The following WDR1 variants were observed in gnomAD, a reference collection of about 807,000 sequenced individuals.
The protein encoded by WDR1 is WD repeat domain 1, also known as WD repeat-containing protein 1.
WDR1 carries 21 observed loss-of-function variants against 71.9 expected under a neutral mutation model. That is an observed-to-expected ratio of 0.29 (90% CI 0.21 to 0.42). WDR1 has a LOEUF of 0.42. Among genes scored for constraint, WDR1 ranks in the 10% least tolerant of loss-of-function variants. The probability of loss-of-function intolerance (pLI) is 1.00; values close to 1 mark genes in which losing one functional copy is unlikely to be tolerated. For synonymous variants in WDR1, 424 were observed against 347.4 expected (o/e 1.22, Z -2.45); for missense variants, 696 against 824.5 (o/e 0.84, Z 1.91).
chr4:10,116,662 G>C lies in WDR1; in HGVS notation c.5C>G (p.Pro2Arg), dbSNP rs1713761503. The change falls in exon 1 of 15, where the codon CCG becomes CGG. Residue 2 changes from proline (P) to arginine (R), a missense_variant. By Grantham distance (103) the Pro-to-Arg change is moderately radical. Coordinates refer to ENST00000499869, the MANE Select transcript of WDR1 (RefSeq NM_017491.5). The stretch of plus-strand genomic sequence containing the variant: ...GCCGCGGCACTTACTGATCTCGTAC[G>C]GCATCCTCGCCCACTTGTTACCGCG... Reference protein sequence around the residue: MPYEIKKVFASL... With the variant: MRYEIKKVFASL... 8 of 1,344,524 alleles carry C rather than the reference G, an allele frequency of 6.0e-6. No homozygotes were observed. The highest frequency in any genetic ancestry group is 7.7e-6 in the Non-Finnish European group (8 of 1,040,454). 83.3% of individuals were successfully genotyped at this position (1,344,524 alleles called of 1,614,324 possible).
At chr4:10,093,150 G>C in intron 5 of WDR1, 13 of 1,289,274 alleles carry the variant, frequency 1.0e-5, no homozygotes, top group Non-Finnish European at 1.3e-5. Context: ...CCTGTCTCCA[G>C]CACACACATG....
rs868521139 is a variant in WDR1, at chr4:10,078,506, C to A, written c.1395+385G>T. On this transcript the variant is annotated intron_variant, in intron 12 of 14. Transcript: ENST00000499869. ...GTCACTCTTCCTTCAACCTGTGAGCCGAGCCCAGCCCCAGGGGATGCCATT... is the reference window on the plus strand; with the variant it reads ...GTCACTCTTCCTTCAACCTGTGAGCAGAGCCCAGCCCCAGGGGATGCCATT... The A allele has an allele frequency of 3.1e-5, 6 of 195,874 alleles. No individual in the cohort carries two copies. In the Middle Eastern group the frequency reaches 1.4e-3, roughly 46 times the overall value. The allele number at this position is 195,874 out of a possible 1,614,324, so 12.1% of individuals were successfully genotyped here. A position where few individuals can be genotyped will look rare whatever the true frequency, so the allele number is the denominator to read the frequency against.
chr4:10,108,560 C>T (rs1713162204), intron 2 of WDR1, among the ~76,000 whole-genome samples: 1 of 152,242 alleles, frequency 6.6e-6, no homozygotes, highest in Non-Finnish European at 1.5e-5. Flanking sequence ...AGTCAGGGCA[C>T]TGGCTTTGTA....
chr4:10,099,650 C>G (rs989409465), intron 3 of WDR1, among the ~76,000 whole-genome samples: 1 of 152,280 alleles, frequency 6.6e-6, no homozygotes, highest in African/African-American at 2.4e-5. Flanking sequence ...GAGGGTGCAG[C>G]GTGCTGCCCA....
At chr4:10,093,080 A>G in intron 5 of WDR1, 1 of 1,289,468 alleles carries the variant, frequency 7.8e-7, no homozygotes, top group Non-Finnish European at 1.0e-6. Flanking sequence ...TGAGGTCATA[A>G]TTAAGTACCA....
At chr4:10,106,109 G>T (rs910618912) in intron 2 of WDR1, among the ~76,000 whole-genome samples, 15 of 152,048 alleles carry the variant, frequency 9.9e-5, no homozygotes, top group Non-Finnish European at 1.8e-4. Context: ...GAGGGTGGAA[G>T]GGGTGGCGGG....
chr4:10,078,675 G>C (rs1764890304), intron 12 of WDR1: 1 of 507,332 alleles, frequency 2.0e-6, no homozygotes, highest in Admixed American at 3.9e-5. Context: ...AGTGAGGTGG[G>C]GGAAGTGCCG....
chr4:10,104,178 T>G (rs1367914672), intron 2 of WDR1, among the ~76,000 whole-genome samples, 192 bp from the exon 3 acceptor site: 1 of 152,224 alleles, frequency 6.6e-6, no homozygotes, highest in East Asian at 1.9e-4. Flanking sequence ...GGTGATAGAA[T>G]TTCATGTTAC....
At chr4:10,098,887 G>C in intron 4 of WDR1, 105 bp downstream of exon 4, 2 of 1,521,232 alleles carry the variant, frequency 1.3e-6, no homozygotes, top group East Asian at 2.3e-5. Context: ...ACCCTCACGA[G>C]TGCAAGTTAG....
chr4:10,099,815 T>G (rs1419852627), intron 3 of WDR1, among the ~76,000 whole-genome samples: 7 of 152,238 alleles, frequency 4.6e-5, no homozygotes, highest in African/African-American at 1.7e-4. Flanking sequence ...AGCGTAAGAT[T>G]CTTCTGTGAG....
At chr4:10,109,859 G>A (rs889133553) in intron 2 of WDR1, among the ~76,000 whole-genome samples, 3 of 152,178 alleles carry the variant, frequency 2.0e-5, no homozygotes, top group African/African-American at 7.2e-5. Context: ...CACCCAACAG[G>A]GCAGTCATGA....
At chr4:10,093,506 G>A (rs1202910166) in intron 5 of WDR1, among the ~76,000 whole-genome samples, 1 of 152,272 alleles carries the variant, frequency 6.6e-6, no homozygotes, top group Non-Finnish European at 1.5e-5. Flanking sequence ...ACTTAGTTGG[G>A]CTGAGGGGCA....
chr4:10,093,779 C>A (rs1029675490), intron 5 of WDR1, among the ~76,000 whole-genome samples: 5 of 149,090 alleles, frequency 3.4e-5, no homozygotes, highest in Non-Finnish European at 1.5e-5. Flanking sequence ...ACAAGGGAGG[C>A]GGTCCTGCAT....
intron 3 of WDR1, among the ~76,000 whole-genome samples, chr4:10,099,819 C>T (rs6830786): frequency 0.29 from 44,653 of 152,146 alleles, 6,860 homozygotes; most frequent in East Asian, 0.45. Context: ...TAAGATTCTT[C>T]TGTGAGAGTA....
chr4:10,096,330 C>T (rs1712347969), intron 5 of WDR1: 1 of 152,322 alleles, frequency 6.6e-6, no homozygotes, highest in South Asian at 2.1e-4. Context: ...ACTCACCCTG[C>T]TCTGCAGTGC....
intron 2 of WDR1, among the ~76,000 whole-genome samples, chr4:10,104,825 T>C (rs976522895): frequency 6.6e-6 from 1 of 152,148 alleles, no homozygotes; most frequent in African/African-American, 2.4e-5. Context: ...ACAAACCAAG[T>C]GCTCTTTGAA....
chr4:10,110,600 C>G (rs544473878), intron 2 of WDR1, among the ~76,000 whole-genome samples: 55 of 152,254 alleles, frequency 3.6e-4, no homozygotes, highest in African/African-American at 1.3e-3. Context: ...CTTCAAGACC[C>G]AACTCAAATG....
chr4:10,088,453 G>T, intron 6 of WDR1, 80 bp from the exon 7 acceptor site: 1 of 1,408,438 alleles, frequency 7.1e-7, no homozygotes, highest in Non-Finnish European at 9.8e-7. Flanking sequence ...GACTGTGGCT[G>T]TAGAAAACCG....
At chr4:10,115,926 G>A in intron 2 of WDR1, 187 bp downstream of exon 2, 1 of 708,652 alleles carries the variant, frequency 1.4e-6, no homozygotes, top group Admixed American at 3.0e-5. Context: ...AGAAGGAGCA[G>A]ACAAGGACCT....
Sources: allele counts gnomAD v4.1 joint callset (sites outside exome capture counted in the v4.1 genomes callset), GRCh38; gene constraint gnomAD v4.1.1; transcripts MANE v1.5; gene names NCBI Gene and HGNC (gene_info 2026-07-23, HGNC 2026-07-21).